DGKD: variants seen among roughly 807,000 people sequenced by gnomAD.
DGKD encodes the protein DAG kinase delta.
Under a neutral mutation model 154.4 loss-of-function variants are expected in DGKD, and 68 were observed. The ratio of observed to expected loss-of-function variants is 0.44; its 90% CI spans 0.36 to 0.54. The LOEUF is 0.54. DGKD is among the 20% of genes least tolerant of loss of function. DGKD has a pLI of 0.00. For missense variants in DGKD, 1,343 were observed against 1,593.6 expected (o/e 0.84, Z 2.68); for synonymous variants, 693 against 638.0 (o/e 1.09, Z -1.30).
At chr2:233,381,030 A>G in intron 1 of DGKD, among the ~76,000 whole-genome samples, 1 of 152,182 alleles carries the variant, frequency 6.6e-6, no homozygotes, top group South Asian at 2.1e-4. Flanking sequence ...TCCTTTTTCC[A>G]TGAGTTGGTG....
Position 233,471,355 on chromosome 2 carries a change from A to G in DGKD, c.*1895A>G, listed in dbSNP as rs2064009808. On this transcript the variant is annotated 3_prime_UTR_variant, in exon 30 of 30. Coordinates refer to ENST00000264057, the MANE Select transcript of DGKD (RefSeq NM_152879.3). ...CAGAACATTGTAGATGGGGGTTGGCAGAGGGAGAAATAAGCCAGCCACGGC... is the reference window on the plus strand; with the variant it reads ...CAGAACATTGTAGATGGGGGTTGGCGGAGGGAGAAATAAGCCAGCCACGGC... 1 of 152,406 alleles carries G rather than the reference A, an allele frequency of 6.6e-6. No individual in the cohort carries two copies. Among genetic ancestry groups the G allele is most frequent in the East Asian group, 1.9e-4 (1 of 5,316 alleles). The allele number at this position is 152,406 out of a possible 1,614,324, so 9.4% of individuals were successfully genotyped here.
At position 233,448,310 on chromosome 2, in the gene DGKD, C is replaced by T. The variant is rs764394592; in HGVS notation, c.1549C>T (p.Arg517Trp). 22 of 1,613,890 alleles carry T rather than the reference C, an allele frequency of 1.4e-5. No homozygotes were observed. The highest frequency in any genetic ancestry group is 1.6e-4 in the Middle Eastern group (1 of 6,084). Residue 517 changes from arginine (R) to tryptophan (W), a missense_variant, in exon 14 of 30, where the codon CGG (arginine) becomes TGG (tryptophan). Coordinates refer to ENST00000264057, the MANE Select transcript of DGKD (RefSeq NM_152879.3). Reference protein sequence around the residue: ...LCETVKDFVARVGKAYEKTTE... With the variant: ...LCETVKDFVAWVGKAYEKTTE... Reference sequence around the variant, plus strand: ...TGAGACGGTGAAGGACTTCGTGGCACGGGTGGGGAAGGCCTATGAGAAGAC... The same window carrying T: ...TGAGACGGTGAAGGACTTCGTGGCATGGGTGGGGAAGGCCTATGAGAAGAC...
Position 233,438,410 on chromosome 2 carries a change from G to T in DGKD, c.1085+31G>T. On this transcript the variant is annotated intron_variant, in intron 9 of 29. Coordinates refer to ENST00000264057, the MANE Select transcript of DGKD (RefSeq NM_152879.3). This position sits in a 1 kb window ranked among gnomAD's most constrained non-coding sequence, Gnocchi z 4.1. ...AAGCTTGTAAAATATATCTTTCTTG[G>T]AGTTTTAAAAATTGTGTAGATAGTG... is the stretch of plus-strand genomic sequence containing the variant. The T allele has an allele frequency of 6.3e-7, 1 of 1,577,014 alleles. No individual in the cohort carries two copies. Among genetic ancestry groups the T allele is most frequent in the Non-Finnish European group, 8.6e-7 (1 of 1,159,910 alleles).
At chr2:233,439,856 A>G (rs2062830148) in intron 9 of DGKD, among the ~76,000 whole-genome samples, 2 of 152,252 alleles carry the variant, frequency 1.3e-5, no homozygotes, top group South Asian at 2.1e-4. Flanking sequence ...CAGCCTCTCA[A>G]GAGTGTTGGA....
chr2:233,388,174 GC>G, intron 1 of DGKD, 82 bp from the exon 2 acceptor site: 1 of 1,568,254 alleles, frequency 6.4e-7, no homozygotes, highest in Non-Finnish European at 8.6e-7. Flanking sequence ...ATATGTTTCA[GC>G]CGCAACAGGC....
chr2:233,468,538 G>A lies in DGKD; in HGVS notation c.3540G>A (p.Glu1180=). The A allele has an allele frequency of 6.2e-7, 1 of 1,613,786 alleles. No homozygotes were observed. The highest frequency in any genetic ancestry group is 8.5e-7 in the Non-Finnish European group (1 of 1,179,976). The change falls in exon 29 of 30, where the codon GAG becomes GAA. Residue 1180 remains glutamate, a synonymous_variant. Transcript: ENST00000264057. ...DIRGSELLHL[E]RRDLKDLGVT... ...GGGGCTCTGAGCTCCTGCACCTGGA[G>A]CGGAGGGACCTCAAGGTACTTCCAT...
chr2:233,454,903 C>G, intron 19 of DGKD, 30 bp downstream of exon 19: 1 of 1,396,684 alleles, frequency 7.2e-7, no homozygotes. Flanking sequence ...GCACGTCTGT[C>G]TTTTGCGTCT....
At chr2:233,407,533 AG>A (rs1461710195) in intron 3 of DGKD, among the ~76,000 whole-genome samples, 3 of 152,216 alleles carry the variant, frequency 2.0e-5, no homozygotes, top group African/African-American at 7.2e-5. Flanking sequence ...TGGGAGACCA[AG>A]GCAGGAGAAT....
At chr2:233,363,039 G>T (rs997836978) in intron 1 of DGKD, among the ~76,000 whole-genome samples, 1 of 152,144 alleles carries the variant, frequency 6.6e-6, no homozygotes, top group Admixed American at 6.5e-5. Flanking sequence ...TATGTTACTG[G>T]TTTATGTATT....
In DGKD at chr2:233,458,472, A is replaced by T. The variant is rs575611574; in HGVS notation, c.2694+75A>T. 8.3e-6 allele frequency: 10 copies of T among 1,199,644 alleles called. No individual in the cohort carries two copies. The highest frequency in any genetic ancestry group is 1.9e-5 in the Admixed American group (1 of 52,148). The allele number at this position is 1,199,644 out of a possible 1,614,324, so 74.3% of individuals were successfully genotyped here. On this transcript the variant is annotated intron_variant, in intron 22 of 29. Transcript: ENST00000264057. The surrounding 1 kb of genome is among the most constrained non-coding windows in gnomAD (Gnocchi z 6.6). ...TGCTAAATTCTGGGGCAGTGCATGG[A>T]GCCTGGGAGGGTGGGCGCTTTCCAG... is the stretch of plus-strand genomic sequence containing the variant.
Position 233,419,376 on chromosome 2 carries a change from T to TA in DGKD, c.349-15003dup, listed in dbSNP as rs2062045027. 4 of 985,446 alleles carry TA rather than the reference T, an allele frequency of 4.1e-6. No homozygotes were observed. The South Asian group carries it at 1.9e-4, about 46-fold the overall frequency. 61.0% of individuals were successfully genotyped at this position (985,446 alleles called of 1,614,324 possible). Reference sequence around the variant, plus strand: ...TTGTGCTGGGTCACTTCAATTTTGATACACGTGGAGCAGCTGGAAACTGTT... The same window carrying TA: ...TTGTGCTGGGTCACTTCAATTTTGATAACACGTGGAGCAGCTGGAAACTGTT... On this transcript the variant is annotated intron_variant, in intron 3 of 29. Coordinates refer to ENST00000264057, the MANE Select transcript of DGKD (RefSeq NM_152879.3).
At chr2:233,411,055 G>A (rs1326204794) in intron 3 of DGKD, among the ~76,000 whole-genome samples, 3 of 152,038 alleles carry the variant, frequency 2.0e-5, no homozygotes, top group Non-Finnish European at 4.4e-5. Flanking sequence ...ACGAATATCA[G>A]TAGTCCATTG....
intron 1 of DGKD, among the ~76,000 whole-genome samples, chr2:233,387,033 C>A (rs1459720206): frequency 6.6e-6 from 1 of 152,212 alleles, no homozygotes; most frequent in African/African-American, 2.4e-5. Context: ...TTTCTGCAGC[C>A]TTCCCTGTTC....
intron 3 of DGKD, among the ~76,000 whole-genome samples, chr2:233,422,234 G>A (rs563322631): frequency 6.6e-6 from 1 of 152,250 alleles, no homozygotes; most frequent in African/African-American, 2.4e-5. Context: ...AGGAGCCTGC[G>A]ATTCTGACAT....
rs776544936 is a variant in DGKD at position 233,451,019 on chromosome 2, G to A, written c.2136G>A (p.Leu712=). ...CCCAGCCGGGAAGCCGGGACGGCCTGCCTGCGCTCAACACCAAGATCCTGT... is the reference window on the plus strand; with the variant it reads ...CCCAGCCGGGAAGCCGGGACGGCCTACCTGCGCTCAACACCAAGATCCTGT... ...LPPQPGSRDG[L]PALNTKILYP... Residue 712 remains leucine (L), a synonymous_variant, in exon 17 of 30, where the codon CTG becomes CTA. Coordinates refer to ENST00000264057, the MANE Select transcript of DGKD (RefSeq NM_152879.3). 6 of 1,612,078 alleles carry A rather than the reference G, an allele frequency of 3.7e-6. No individual in the cohort carries two copies. The highest frequency in any genetic ancestry group is 5.1e-6 in the Non-Finnish European group (6 of 1,178,280).
Position 233,445,985 on chromosome 2 carries a change from A to T in DGKD, c.1334+223A>T, listed in dbSNP as rs543375647. On this transcript the variant is annotated intron_variant, in intron 11 of 29. Coordinates refer to ENST00000264057, the MANE Select transcript of DGKD (RefSeq NM_152879.3). This position sits in a 1 kb window ranked among gnomAD's most constrained non-coding sequence, Gnocchi z 5.5. ...AACCAGCCATGCCCTAGGATGATCC[A>T]GTCTTCCCAGAAGGCCAAGCCTGAG... 1.4e-3 allele frequency among the ~76,000 whole-genome samples: 214 copies of T among 152,352 alleles called. 1 individual carries two copies. Among genetic ancestry groups the T allele is most frequent in the Non-Finnish European group, 2.6e-3 (177 of 68,024 alleles).
At chr2:233,429,075 C>T in intron 3 of DGKD, 2 of 977,296 alleles carry the variant, frequency 2.0e-6, no homozygotes, top group Non-Finnish European at 2.4e-6. Flanking sequence ...GTGCCCAATA[C>T]CCACAAAGCA....
intron 1 of DGKD, among the ~76,000 whole-genome samples, chr2:233,380,588 G>GATT (rs1347183018): frequency 6.6e-6 from 1 of 152,192 alleles, no homozygotes; most frequent in Non-Finnish European, 1.5e-5. Flanking sequence ...GGGCAGTGGG[G>GATT]ATTAGCCCTA....
chr2:233,448,073 T>TG lies in DGKD; in HGVS notation c.1420-10dup. On this transcript the variant is annotated splice_polypyrimidine_tract_variant and intron_variant, in intron 12 of 29. Transcript: ENST00000264057. Reference sequence around the variant, plus strand: ...ACAGAGACCAACAGTCCTGGCCATTTGGGGTGATTGCAGGTACAGCAGATT... The same window carrying TG: ...ACAGAGACCAACAGTCCTGGCCATTTGGGGGTGATTGCAGGTACAGCAGATT... The TG allele has an allele frequency of 6.2e-7, 1 of 1,613,882 alleles. No individual in the cohort carries two copies. The highest frequency in any genetic ancestry group is 1.1e-5 in the South Asian group (1 of 91,062).
Sources: allele counts gnomAD v4.1 joint callset (sites outside exome capture counted in the v4.1 genomes callset), GRCh38; gene constraint gnomAD v4.1.1; non-coding constraint Gnocchi (gnomAD v3.1); transcripts MANE v1.5; gene names NCBI Gene and HGNC (gene_info 2026-07-23, HGNC 2026-07-21).